SAMD4B: variants seen among roughly 807,000 people sequenced by gnomAD.
SAMD4B encodes protein Smaug homolog 2.
A neutral mutation model predicts 74.5 loss-of-function variants in SAMD4B; 5 were observed. The ratio of observed to expected loss-of-function variants is 0.07; its 90% confidence interval spans 0.04 to 0.14. The LOEUF (loss-of-function observed/expected upper bound fraction) is 0.14. SAMD4B is among the 10% of genes least tolerant of loss of function. The pLI is 1.00. For synonymous variants in SAMD4B, 373 were observed against 374.9 expected, an observed-to-expected ratio of 1.00 and a Z score of 0.06; for missense variants, 608 against 921.8, an observed-to-expected ratio of 0.66 and a Z score of 4.41.
At chr19:39,350,859 C>A (rs2075999454) in intron 1 of SAMD4B, 1 of 152,052 alleles carries the variant, frequency 6.6e-6, no homozygotes, top group African/African-American at 2.4e-5. Flanking sequence ...CTCAAGTGAT[C>A]CTCCCAAAGT....
chr19:39,367,105 T>C (rs940820118), intron 3 of SAMD4B, among the ~76,000 whole-genome samples: 7 of 152,136 alleles, frequency 4.6e-5, no homozygotes. Context: ...ATAGAGAAAA[T>C]AGAGCTCAGT....
At position 39,375,676 on chromosome 19, in the gene SAMD4B, C is replaced by G. The variant is rs756712198; in HGVS notation, c.694C>G (p.Pro232Ala). ...TCTCCCCTGCCAAATCCACCCTAGC[C>G]CACTGAAGCGCTCCATGTCACTCAT... Reference protein sequence around the residue: ...TGLPCQIHPSPLKRSMSLIPT... With the variant: ...TGLPCQIHPSALKRSMSLIPT... Residue 232 changes from proline (P) to alanine (A), a missense_variant, in exon 5 of 14, where the codon CCA becomes GCA. Pro to Ala is a conservative substitution (Grantham distance 27). Coordinates refer to ENST00000610417, the MANE Select transcript of SAMD4B (RefSeq NM_001384574.2). The surrounding 1 kb of genome is among the most constrained non-coding windows in gnomAD (Gnocchi z 4.1). 2 of 1,611,064 alleles carry G rather than the reference C, an allele frequency of 1.2e-6. No individual in the cohort carries two copies. Among genetic ancestry groups the G allele is most frequent in the Non-Finnish European group, 1.7e-6 (2 of 1,177,510 alleles).
intron 6 of SAMD4B, 43 bp from the exon 7 acceptor site, chr19:39,376,662 C>T (rs754830709): frequency 6.2e-7 from 1 of 1,600,508 alleles, no homozygotes; most frequent in Admixed American, 1.7e-5. Context: ...AATATCTCAG[C>T]CTCACATCTC....
rs2077558320 is a variant in SAMD4B, at chr19:39,375,654, C to T, written c.672C>T (p.Leu224=). The change falls in exon 5 of 14, where the codon CTC becomes CTT. Residue 224 remains leucine, a synonymous_variant. Transcript: ENST00000610417. The surrounding 1 kb of genome is among the most constrained non-coding windows in gnomAD (Gnocchi z 4.1). ...CTTTTCTCCCACTCTGGCCAGGTCT[C>T]CCCTGCCAAATCCACCCTAGCCCAC... is the stretch of plus-strand genomic sequence containing the variant. ...NSIGSNANTG[L]PCQIHPSPLK... The T allele has an allele frequency of 6.2e-7, 1 of 1,601,464 alleles. No individual in the cohort carries two copies. The highest frequency in any genetic ancestry group is 8.6e-7 in the Non-Finnish European group (1 of 1,169,404).
Position 39,375,666 on chromosome 19 carries a change from C to T in SAMD4B, c.684C>T (p.Ile228=). 6.2e-7 allele frequency: 1 copy of T among 1,602,662 alleles called. No individual in the cohort carries two copies. Among genetic ancestry groups the T allele is most frequent in the Non-Finnish European group, 8.5e-7 (1 of 1,170,400 alleles). ...SNANTGLPCQ[I]HPSPLKRSMS... Reference sequence around the variant, plus strand: ...TCTGGCCAGGTCTCCCCTGCCAAATCCACCCTAGCCCACTGAAGCGCTCCA... The same window carrying T: ...TCTGGCCAGGTCTCCCCTGCCAAATTCACCCTAGCCCACTGAAGCGCTCCA... Residue 228 remains isoleucine, a synonymous_variant, in exon 5 of 14, where the codon ATC becomes ATT. Coordinates refer to ENST00000610417, the MANE Select transcript of SAMD4B (RefSeq NM_001384574.2). This position sits in a 1 kb window ranked among gnomAD's most constrained non-coding sequence, Gnocchi z 4.1.
At chr19:39,367,335 T>G (rs1372613910) in intron 3 of SAMD4B, among the ~76,000 whole-genome samples, 1 of 152,176 alleles carries the variant, frequency 6.6e-6, no homozygotes, top group African/African-American at 2.4e-5. Flanking sequence ...GCTACAGATG[T>G]GAGCTCAGTT....
chr19:39,387,817 G>A (rs1187978119), downstream of SAMD4B, among the ~76,000 whole-genome samples: 1 of 152,160 alleles, frequency 6.6e-6, no homozygotes. Flanking sequence ...CCTCTGCCTT[G>A]CGCAAAGGCT....
chr19:39,364,320 G>A (rs1384819063), intron 3 of SAMD4B, among the ~76,000 whole-genome samples: 1 of 152,200 alleles, frequency 6.6e-6, no homozygotes, highest in Non-Finnish European at 1.5e-5. Flanking sequence ...CAGCGATTGA[G>A]AATGTCAGGG....
At position 39,375,811 on chromosome 19, in the gene SAMD4B, GCCT is replaced by G. The variant is rs1568362477; in HGVS notation, c.834_836del (p.Ser279del). 2.5e-6 allele frequency: 4 copies of G among 1,613,736 alleles called. No homozygotes were observed. The highest frequency in any genetic ancestry group is 2.2e-5 in the East Asian group (1 of 44,868). ...ACCTCTCTCGCCCCAGAGCAGCGTG[GCCT>G]CCTCTGGCAGTGAGCAGACAGAGGA... On this transcript the variant is annotated inframe_deletion, in exon 5 of 14. Coordinates refer to ENST00000610417, the MANE Select transcript of SAMD4B (RefSeq NM_001384574.2). This position sits in a 1 kb window ranked among gnomAD's most constrained non-coding sequence, Gnocchi z 4.1.
At chr19:39,347,593 A>G (rs1184725647) in intron 1 of SAMD4B, among the ~76,000 whole-genome samples, 1 of 152,198 alleles carries the variant, frequency 6.6e-6, no homozygotes, top group Non-Finnish European at 1.5e-5. Flanking sequence ...TGAGGTGATC[A>G]GCCTGGCTTG....
At chr19:39,371,592 A>G (rs973942660) in intron 4 of SAMD4B, among the ~76,000 whole-genome samples, 3 of 152,146 alleles carry the variant, frequency 2.0e-5, no homozygotes, top group African/African-American at 4.8e-5. Context: ...CGAGGCAGGC[A>G]GATCACCTGA....
intron 5 of SAMD4B, among the ~76,000 whole-genome samples, 159 bp downstream of exon 5, chr19:39,376,048 A>G (rs1053109340): frequency 1.3e-5 from 2 of 152,196 alleles, no homozygotes; most frequent in African/African-American, 4.8e-5. Flanking sequence ...AGGACTAAGC[A>G]GAGAGACCCC....
chr19:39,343,007 C>T (rs1039816446), intron 1 of SAMD4B, among the ~76,000 whole-genome samples: 1 of 151,960 alleles, frequency 6.6e-6, no homozygotes, highest in Non-Finnish European at 1.5e-5. Flanking sequence ...CCTCGCAGAC[C>T]CCCGCCCTTT....
At chr19:39,345,440 C>T (rs764874512) in intron 1 of SAMD4B, among the ~76,000 whole-genome samples, 8 of 152,232 alleles carry the variant, frequency 5.3e-5, no homozygotes, top group Non-Finnish European at 1.2e-4. Flanking sequence ...AGCCCACTAC[C>T]AGCCTTTGGT....
chr19:39,381,228 T>A (rs2077964570), intron 12 of SAMD4B, 115 bp downstream of exon 12: 5 of 1,246,206 alleles, frequency 4.0e-6, no homozygotes, highest in African/African-American at 1.5e-5. Flanking sequence ...CCTCTCCCCA[T>A]ACCTCACACC....
In SAMD4B at chr19:39,383,653, T is replaced by C; in HGVS notation, c.*126T>C. 1 of 1,590,900 alleles carries C rather than the reference T, an allele frequency of 6.3e-7. No homozygotes were observed. The highest frequency in any genetic ancestry group is 1.7e-5 in the Admixed American group (1 of 57,146). ...GCTATATATTCTAATATTTTTCTAC[T>C]CTCTTACCCTCTTAACTTTTGTTTA... On this transcript the variant is annotated 3_prime_UTR_variant, in exon 14 of 14. Coordinates refer to ENST00000610417, the MANE Select transcript of SAMD4B (RefSeq NM_001384574.2). This position sits in a 1 kb window ranked among gnomAD's most constrained non-coding sequence, Gnocchi z 4.1.
chr19:39,376,874 G>C, intron 7 of SAMD4B, 83 bp downstream of exon 7: 1 of 1,190,088 alleles, frequency 8.4e-7, no homozygotes, highest in Non-Finnish European at 1.2e-6. Context: ...TTGGCCTCCA[G>C]ACTCCTCGGA....
rs1336454320 is a variant in SAMD4B at position 39,375,494 on chromosome 19, AGGTATATCT to A, written c.668-151_668-143del. ...GTTGGGTGTTGGAGGTAAGAGAATG[AGGTATATCT>A]GGTAGGCAGTTACCCTTGGACCCCA... is the stretch of plus-strand genomic sequence containing the variant. On this transcript the variant is annotated intron_variant, in intron 4 of 13. Transcript: ENST00000610417. The surrounding 1 kb of genome is among the most constrained non-coding windows in gnomAD (Gnocchi z 4.1). Among the ~76,000 whole-genome samples, 1 of 152,114 alleles carries A rather than the reference AGGTATATCT, an allele frequency of 6.6e-6. No individual in the cohort carries two copies. Among genetic ancestry groups the A allele is most frequent in the Non-Finnish European group, 1.5e-5 (1 of 68,004 alleles).
At position 39,354,370 on chromosome 19, in the gene SAMD4B, G is replaced by A. The variant is rs187480742; in HGVS notation, c.-206+304G>A. On this transcript the variant is annotated intron_variant, in intron 2 of 13. Coordinates refer to ENST00000610417, the MANE Select transcript of SAMD4B (RefSeq NM_001384574.2). ...CTCTTCCCCAGAGGAAAATCTCAGT[G>A]CCTTCAATTTTTTTTTCTTAAAACA... Among the ~76,000 whole-genome samples the A allele has an allele frequency of 1.4e-4, 22 of 152,228 alleles. No individual in the cohort carries two copies. In the East Asian group the frequency reaches 3.7e-3, roughly 25 times the overall value.
Sources: allele counts gnomAD v4.1 joint callset (sites outside exome capture counted in the v4.1 genomes callset), GRCh38; gene constraint gnomAD v4.1.1; non-coding constraint Gnocchi (gnomAD v3.1); transcripts MANE v1.5; gene names NCBI Gene and HGNC (gene_info 2026-07-23, HGNC 2026-07-21).